TMED8: variants seen among roughly 807,000 people sequenced by gnomAD.
TMED8 encodes the protein protein TMED8.
A neutral mutation model predicts 32.7 loss-of-function variants in TMED8; 15 were observed. The observed-to-expected ratio is 0.46, with a 90% CI of 0.31 to 0.71. The LOEUF (loss-of-function observed/expected upper bound fraction) is 0.71, where lower values mean the gene tolerates loss of function less well. Ranked by LOEUF, TMED8 falls within the 30% of genes least tolerant of loss-of-function variation. TMED8 has a pLI of 0.06. For missense variants in TMED8, 390 were observed against 423.9 expected (o/e 0.92, Z 0.70); for synonymous variants, 147 against 161.4 (o/e 0.91, Z 0.68).
Position 77,340,435 on chromosome 14 carries a change from T to C in TMED8, c.*1336A>G, listed in dbSNP as rs1016126774. The C allele has an allele frequency of 1.3e-5, 2 of 152,230 alleles. No homozygotes were observed. Among genetic ancestry groups the C allele is most frequent in the Non-Finnish European group, 2.9e-5 (2 of 68,040 alleles). The allele number at this position is 152,230 out of a possible 1,614,324, so 9.4% of individuals were successfully genotyped here. ...AAATCTAATTATTCTTCAGAATTCG[T>C]AGGCAGTAACAGACATAACACGAGG... On this transcript the variant is annotated 3_prime_UTR_variant, in exon 6 of 6. Transcript: ENST00000216468.
At chr14:77,345,063 C>CT (rs1259681537) in intron 3 of TMED8, among the ~76,000 whole-genome samples, 1 of 152,214 alleles carries the variant, frequency 6.6e-6, no homozygotes, top group African/African-American at 2.4e-5. Context: ...TCTCAGCTCA[C>CT]TGCAACCTCC....
chr14:77,358,817 C>T (rs906355913), intron 1 of TMED8, among the ~76,000 whole-genome samples: 1 of 152,132 alleles, frequency 6.6e-6, no homozygotes, highest in Non-Finnish European at 1.5e-5. Flanking sequence ...TTTTTGAAAA[C>T]ATAAGGAAAT....
At chr14:77,360,526 TCTC>T (rs1371111344) in intron 1 of TMED8, among the ~76,000 whole-genome samples, 1 of 151,496 alleles carries the variant, frequency 6.6e-6, no homozygotes, top group Admixed American at 6.6e-5. Flanking sequence ...AATGGCAAGA[TCTC>T]CTTCTTTTAT....
In TMED8 at chr14:77,341,853, C is replaced by A; in HGVS notation, c.896G>T (p.Gly299Val). Reference protein sequence around the residue: ...QAGSHDYPGEGIYLLKFDNSY... With the variant: ...QAGSHDYPGEVIYLLKFDNSY... ...GTTGTCGAACTTGAGCAGGTAGATG[C>A]CCTCACCAGGGTAGTCATGGCTGCC... Residue 299 changes from glycine to valine, a missense_variant, in exon 6 of 6, where the codon GGC (glycine) becomes GTC (valine). Coordinates refer to ENST00000216468, the MANE Select transcript of TMED8 (RefSeq NM_213601.3). 1 of 1,613,734 alleles carries A rather than the reference C, an allele frequency of 6.2e-7. No homozygotes were observed. Among genetic ancestry groups the A allele is most frequent in the Non-Finnish European group, 8.5e-7 (1 of 1,180,002 alleles).
intron 1 of TMED8, among the ~76,000 whole-genome samples, chr14:77,369,337 G>A (rs1893625831): frequency 6.6e-6 from 1 of 152,168 alleles, no homozygotes. Flanking sequence ...TGCTATTTGT[G>A]GCCTTCTATT....
intron 1 of TMED8, among the ~76,000 whole-genome samples, chr14:77,363,808 A>G (rs1282168551): frequency 6.6e-6 from 1 of 151,612 alleles, no homozygotes; most frequent in Non-Finnish European, 1.5e-5. Flanking sequence ...GGTGCATGCC[A>G]CCACAGCTGG....
chr14:77,375,369 G>A (rs1382267104), intron 1 of TMED8, among the ~76,000 whole-genome samples: 2 of 152,236 alleles, frequency 1.3e-5, no homozygotes, highest in South Asian at 2.1e-4. Context: ...TCTAAAACGC[G>A]TGGGTACGTT....
intron 3 of TMED8, among the ~76,000 whole-genome samples, chr14:77,344,673 C>T (rs1038327035): frequency 1.3e-5 from 2 of 152,228 alleles, no homozygotes; most frequent in African/African-American, 2.4e-5. Context: ...AACAAGAAAA[C>T]TATACCTATT....
rs1244121156 is a variant in TMED8, at chr14:77,340,410, A to C, written c.*1361T>G. ...TAAAAAAATAAATACAGTAATAAAT[A>C]AATCTAATTATTCTTCAGAATTCGT... On this transcript the variant is annotated 3_prime_UTR_variant, in exon 6 of 6. Coordinates refer to ENST00000216468, the MANE Select transcript of TMED8 (RefSeq NM_213601.3). 2 of 152,252 alleles carry C rather than the reference A, an allele frequency of 1.3e-5. No homozygotes were observed. The highest frequency in any genetic ancestry group is 2.4e-5 in the African/African-American group (1 of 41,476). The allele number at this position is 152,252 out of a possible 1,614,324, so 9.4% of individuals were successfully genotyped here.
intron 1 of TMED8, among the ~76,000 whole-genome samples, chr14:77,358,559 A>G (rs1331521912): frequency 6.6e-6 from 1 of 152,156 alleles, no homozygotes; most frequent in Non-Finnish European, 1.5e-5. Flanking sequence ...AGCCTCCCAA[A>G]GTCCTGGGAT....
At position 77,340,085 on chromosome 14, in the gene TMED8, T is replaced by C. The variant is rs1187864911; in HGVS notation, c.*1686A>G. 1.3e-5 allele frequency: 2 copies of C among 152,166 alleles called. No homozygotes were observed. Among genetic ancestry groups the C allele is most frequent in the African/African-American group, 2.4e-5 (1 of 41,442 alleles). 9.4% of individuals were successfully genotyped at this position (152,166 alleles called of 1,614,324 possible). ...GGATATCTCTGATTGGTTAGGGAAT[T>C]CCTCTGCACTCAATCTCCAGCAAAT... On this transcript the variant is annotated 3_prime_UTR_variant, in exon 6 of 6. Transcript: ENST00000216468.
In TMED8 at chr14:77,337,537, C is replaced by G. The variant is rs1402988322; in HGVS notation, c.*4234G>C. On this transcript the variant is annotated 3_prime_UTR_variant, in exon 6 of 6. Transcript: ENST00000216468. ...CCAGAGTAGCTGGGATTACAGATGC[C>G]CGCCACCACGCCCAGCTAATTTTTT... 3 of 152,068 alleles carry G rather than the reference C, an allele frequency of 2.0e-5. No individual in the cohort carries two copies. Among genetic ancestry groups the G allele is most frequent in the African/African-American group, 7.2e-5 (3 of 41,382 alleles). 9.4% of individuals were successfully genotyped at this position (152,068 alleles called of 1,614,324 possible). A position where few individuals can be genotyped will look rare whatever the true frequency, so the allele number is the denominator to read the frequency against.
chr14:77,342,933 G>A (rs1358681503), intron 5 of TMED8, among the ~76,000 whole-genome samples: 1 of 152,104 alleles, frequency 6.6e-6, no homozygotes, highest in Admixed American at 6.6e-5. Flanking sequence ...CCCCATCCCT[G>A]CCCCCAGGAA....
At position 77,363,210 on chromosome 14, in the gene TMED8, C is replaced by T. The variant is rs192713296; in HGVS notation, c.119-11459G>A. Among the ~76,000 whole-genome samples, 699 of 152,188 alleles carry T rather than the reference C, an allele frequency of 4.6e-3. 3 individuals are homozygous for T. The highest frequency in any genetic ancestry group is 0.016 in the African/African-American group (668 of 41,534). ...TCTCCAGAATAGATCAGATGTTAGG[C>T]CACAAAACAAGTCTTAACAAATTTA... On this transcript the variant is annotated intron_variant, in intron 1 of 5. Transcript: ENST00000216468.
chr14:77,342,589 G>C (rs746307904), intron 5 of TMED8, among the ~76,000 whole-genome samples: 4 of 152,182 alleles, frequency 2.6e-5, no homozygotes, highest in Non-Finnish European at 1.5e-5. Flanking sequence ...TAAGACTAAT[G>C]CTTAGGACCT....
At chr14:77,363,965 G>GT (rs1223029831) in intron 1 of TMED8, among the ~76,000 whole-genome samples, 2 of 152,106 alleles carry the variant, frequency 1.3e-5, no homozygotes, top group East Asian at 3.9e-4. Context: ...TTTTGCTAGT[G>GT]TATCTTTGGG....
chr14:77,340,206 A>T lies in TMED8; in HGVS notation c.*1565T>A, dbSNP rs1892862475. 6.6e-6 allele frequency: 1 copy of T among 152,174 alleles called. No individual in the cohort carries two copies. The highest frequency in any genetic ancestry group is 6.5e-5 in the Admixed American group (1 of 15,286). The allele number at this position is 152,174 out of a possible 1,614,324, so 9.4% of individuals were successfully genotyped here. ...TGGCATCATCCATCTCTGAAGGGCCATACTCCTCGCAAAGCCGTCACAGGA... is the reference window on the plus strand; with the variant it reads ...TGGCATCATCCATCTCTGAAGGGCCTTACTCCTCGCAAAGCCGTCACAGGA... On this transcript the variant is annotated 3_prime_UTR_variant, in exon 6 of 6. Transcript: ENST00000216468.
intron 5 of TMED8, 49 bp downstream of exon 5, chr14:77,343,129 A>G: frequency 6.3e-7 from 1 of 1,576,860 alleles, no homozygotes; most frequent in Admixed American, 1.7e-5. Context: ...TGGTCACCAG[A>G]AATCAGATTA....
intron 1 of TMED8, among the ~76,000 whole-genome samples, chr14:77,365,836 G>A (rs1201662635): frequency 6.6e-6 from 1 of 152,148 alleles, no homozygotes; most frequent in Non-Finnish European, 1.5e-5. Context: ...GGTCAAACCT[G>A]TATTTTTTTG....
Sources: gnomAD v4.1 joint callset for allele counts (sites outside exome capture counted in the v4.1 genomes callset) on GRCh38, gnomAD v4.1.1 for gene constraint, MANE v1.5 for transcripts, NCBI Gene and HGNC (gene_info 2026-07-23, HGNC 2026-07-21) for gene names.